Variants in MAGI1 observed in about 807,000 individuals in gnomAD.
MAGI1 encodes the protein membrane-associated guanylate kinase, WW and PDZ domain-containing protein 1.
A neutral mutation model predicts 139.9 loss-of-function variants in MAGI1; 58 were observed. The ratio of observed to expected loss-of-function variants is 0.41; its 90% CI spans 0.34 to 0.52. The LOEUF (loss-of-function observed/expected upper bound fraction) is 0.52. Among genes scored for constraint, MAGI1 ranks in the 20% least tolerant of loss-of-function variants. MAGI1 has a pLI of 0.12. For synonymous variants in MAGI1, 812 were observed against 737.9 expected (o/e 1.10, Z -1.63); for missense variants, 1,874 against 1,901.6 (o/e 0.99, Z 0.27).
At chr3:65,399,579 A>T (rs1278910042) in intron 13 of MAGI1, among the ~76,000 whole-genome samples, 3 of 152,210 alleles carry the variant, frequency 2.0e-5, no homozygotes, top group Non-Finnish European at 4.4e-5. Context: ...CCAGCAACAC[A>T]TCACTCTCTT....
intron 1 of MAGI1, among the ~76,000 whole-genome samples, chr3:65,979,949 C>T (rs2065480400): frequency 1.3e-5 from 2 of 152,116 alleles, no homozygotes; most frequent in African/African-American, 4.8e-5. Context: ...AGGAACTGGC[C>T]TCTAGAGTGG....
At position 65,364,936 on chromosome 3, in the gene MAGI1, A is replaced by G. The variant is rs1479856924; in HGVS notation, c.3207T>C (p.Asn1069=). The change falls in exon 19 of 23, where the codon AAT becomes AAC. Residue 1069 remains asparagine (N), a synonymous_variant. Coordinates refer to ENST00000402939, the MANE Select transcript of MAGI1 (RefSeq NM_001033057.2). ...LRIIPGDESS[N]ATLLTNAEKI... ...TCTCTGCATTGGTCAGCAAGGTGGCATTCGAGGACTCTGCAAAGAGGGACA... is the reference window on the plus strand; with the variant it reads ...TCTCTGCATTGGTCAGCAAGGTGGCGTTCGAGGACTCTGCAAAGAGGGACA... 1.2e-6 allele frequency: 2 copies of G among 1,613,896 alleles called. No homozygotes were observed. The highest frequency in any genetic ancestry group is 2.2e-5 in the South Asian group (2 of 91,074).
chr3:65,382,010 A>G lies in MAGI1; in HGVS notation c.2568T>C (p.Ser856=), dbSNP rs771359940. 1.9e-6 allele frequency: 3 copies of G among 1,614,176 alleles called. No individual in the cohort carries two copies. The South Asian group carries it at 3.3e-5, about 18-fold the overall frequency. ...GAADTDGRLR[S]GDELICVDGT... is the part of the protein sequence containing the mutation. ...CATCCACACAGATTAATTCATCTCC[A>G]GACCTCAGGCGGCCGTCAGTATCAG... Residue 856 remains serine (S), a synonymous_variant, in exon 16 of 23, where the codon TCT becomes TCC. Coordinates refer to ENST00000402939, the MANE Select transcript of MAGI1 (RefSeq NM_001033057.2).
At chr3:65,658,297 G>A (rs541259609) in intron 1 of MAGI1, among the ~76,000 whole-genome samples, 3 of 152,098 alleles carry the variant, frequency 2.0e-5, no homozygotes, top group Non-Finnish European at 2.9e-5. Flanking sequence ...ATAAGGACGC[G>A]ATGGACCAAA....
chr3:65,802,410 T>C (rs771345086), intron 1 of MAGI1, among the ~76,000 whole-genome samples: 1 of 152,126 alleles, frequency 6.6e-6, no homozygotes, highest in Middle Eastern at 3.2e-3. Context: ...TTTTTCACCA[T>C]GTGAACGCAT....
intron 12 of MAGI1, among the ~76,000 whole-genome samples, chr3:65,426,828 A>G (rs1947078756): frequency 6.6e-6 from 1 of 152,202 alleles, no homozygotes; most frequent in African/African-American, 2.4e-5. Context: ...CATACACAAG[A>G]CATATGGTGT....
At position 65,564,864 on chromosome 3, in the gene MAGI1, T is replaced by C. The variant is rs762228149; in HGVS notation, c.430+57108A>G. Among the ~76,000 whole-genome samples, 10 of 152,344 alleles carry C rather than the reference T, an allele frequency of 6.6e-5. No individual in the cohort carries two copies. The East Asian group carries it at 7.7e-4, about 12-fold the overall frequency. On this transcript the variant is annotated intron_variant, in intron 2 of 22. Transcript: ENST00000402939. ...CCCATACTGCCAACCAGCTCATCAA[T>C]GGCAGAAACACAATATGCTTCCAAA...
At chr3:66,004,315 A>G (rs989086380) in intron 1 of MAGI1, among the ~76,000 whole-genome samples, 1 of 152,182 alleles carries the variant, frequency 6.6e-6, no homozygotes, top group Admixed American at 6.5e-5. Flanking sequence ...CTTGATGGCT[A>G]AAGGCTGGAA....
Position 65,926,869 on chromosome 3 carries a change from C to T in MAGI1, c.313+111127G>A, listed in dbSNP as rs1216000802. ...AATTTGCTGGGCGCGGTGGTGCACA[C>T]CTGTAACCCCAGCTACTCAAGAGGC... On this transcript the variant is annotated intron_variant, in intron 1 of 22. Transcript: ENST00000402939. Among the ~76,000 whole-genome samples the T allele has an allele frequency of 2.0e-5, 3 of 152,228 alleles. No individual in the cohort carries two copies. The East Asian group carries it at 5.8e-4, about 30-fold the overall frequency.
chr3:65,595,636 T>C (rs974965413), intron 2 of MAGI1, among the ~76,000 whole-genome samples: 2 of 152,100 alleles, frequency 1.3e-5, no homozygotes, highest in East Asian at 1.9e-4. Context: ...AGAGCCATAA[T>C]TGAGTAAAAA....
intron 3 of MAGI1, among the ~76,000 whole-genome samples, chr3:65,490,531 T>G (rs1459107519): frequency 1.3e-5 from 2 of 152,026 alleles, no homozygotes; most frequent in South Asian, 4.2e-4. Flanking sequence ...TATAATATAC[T>G]CTGGTCAGTT....
At chr3:65,714,219 T>C (rs2031900994) in intron 1 of MAGI1, among the ~76,000 whole-genome samples, 2 of 152,176 alleles carry the variant, frequency 1.3e-5, no homozygotes. Context: ...CTTGAGTGAC[T>C]CTTGTAGGGA....
chr3:65,404,213 A>G (rs1945145417), intron 12 of MAGI1, among the ~76,000 whole-genome samples: 1 of 152,212 alleles, frequency 6.6e-6, no homozygotes, highest in Non-Finnish European at 1.5e-5. Flanking sequence ...CATATCACTG[A>G]TGCAATAAAA....
At chr3:65,416,850 G>A (rs1308981055) in intron 12 of MAGI1, among the ~76,000 whole-genome samples, 1 of 152,122 alleles carries the variant, frequency 6.6e-6, no homozygotes, top group Admixed American at 6.5e-5. Context: ...TAGGGGACAT[G>A]ATTAATATTT....
intron 1 of MAGI1, among the ~76,000 whole-genome samples, chr3:65,677,903 CA>C (rs2087300853): frequency 6.6e-6 from 1 of 152,186 alleles, no homozygotes; most frequent in South Asian, 2.1e-4. Flanking sequence ...TTCACAAAAG[CA>C]AAGACTTGGA....
chr3:65,829,583 T>A (rs1387711379), intron 1 of MAGI1, among the ~76,000 whole-genome samples: 2 of 152,224 alleles, frequency 1.3e-5, no homozygotes, highest in Admixed American at 1.3e-4. Flanking sequence ...AGCAATAAAT[T>A]TCTCATGCTT....
chr3:65,706,263 T>C (rs1317441366), intron 1 of MAGI1, among the ~76,000 whole-genome samples: 3 of 152,224 alleles, frequency 2.0e-5, no homozygotes, highest in Non-Finnish European at 4.4e-5. Context: ...GACCAAAATT[T>C]ATGTTTTAAA....
intron 18 of MAGI1, among the ~76,000 whole-genome samples, chr3:65,366,857 C>T (rs552574682): frequency 2.8e-4 from 42 of 152,186 alleles, no homozygotes; most frequent in South Asian, 2.1e-3. Flanking sequence ...ATTTTAATGA[C>T]GCTATTTTAA....
At chr3:65,802,885 T>TGTGTGTGTGC (rs2040606284) in intron 1 of MAGI1, among the ~76,000 whole-genome samples, 1 of 151,772 alleles carries the variant, frequency 6.6e-6, no homozygotes, top group African/African-American at 2.4e-5. Context: ...TGTGTGTGTG[T>TGTGTGTGTGC]GTGTGTCTTT....
Sources: allele counts gnomAD v4.1 joint callset (sites outside exome capture counted in the v4.1 genomes callset), GRCh38; gene constraint gnomAD v4.1.1; transcripts MANE v1.5; gene names NCBI Gene and HGNC (gene_info 2026-07-23, HGNC 2026-07-21).